The following BCAT1 variants were observed in gnomAD, a reference collection of about 807,000 sequenced individuals.
BCAT1 encodes branched chain amino acid transaminase 1.
BCAT1 carries 48 observed loss-of-function variants against 52.4 expected under a neutral mutation model. That is an observed-to-expected ratio of 0.92 (90% CI 0.73 to 1.16). BCAT1 has a LOEUF of 1.16. Ranked by LOEUF, BCAT1 falls within the 50% of genes most tolerant of loss-of-function variation. The probability of loss-of-function intolerance (pLI) is 0.00; values close to 1 mark genes in which losing one functional copy is unlikely to be tolerated. For missense variants in BCAT1, 451 were observed against 457.1 expected, an observed-to-expected ratio of 0.99 and a Z score of 0.12; for synonymous variants, 167 against 161.3, an observed-to-expected ratio of 1.04 and a Z score of -0.27.
rs1381474964 is a variant in BCAT1 at position 24,814,469 on chromosome 12, A to C, written c.*3539T>G. The C allele has an allele frequency of 6.6e-6, 1 of 151,892 alleles. No individual in the cohort carries two copies. Among genetic ancestry groups the C allele is most frequent in the Non-Finnish European group, 1.5e-5 (1 of 67,962 alleles). The allele number at this position is 151,892 out of a possible 1,614,324, so 9.4% of individuals were successfully genotyped here. A position where few individuals can be genotyped will look rare whatever the true frequency, so the allele number is the denominator to read the frequency against. On this transcript the variant is annotated 3_prime_UTR_variant, in exon 11 of 11. Coordinates refer to ENST00000261192, the MANE Select transcript of BCAT1 (RefSeq NM_005504.7). The stretch of plus-strand genomic sequence containing the variant: ...GACTGAGCACTGAGTGGGATTGAAG[A>C]AAATAAATGAGCTTATTTTGGCAGC...
intron 6 of BCAT1, among the ~76,000 whole-genome samples, chr12:24,847,383 G>T (rs1457443964): frequency 6.6e-6 from 1 of 152,140 alleles, no homozygotes; most frequent in Non-Finnish European, 1.5e-5. Flanking sequence ...ATCACCTGAA[G>T]TCTAGAGTTT....
At chr12:24,870,627 A>G (rs1046630894) in intron 5 of BCAT1, among the ~76,000 whole-genome samples, 3 of 152,236 alleles carry the variant, frequency 2.0e-5, no homozygotes, top group African/African-American at 7.2e-5. Flanking sequence ...AGGGACTGAC[A>G]CATAAAAGAT....
At chr12:24,873,629 C>T (rs1942245434) in intron 5 of BCAT1, among the ~76,000 whole-genome samples, 1 of 152,122 alleles carries the variant, frequency 6.6e-6, no homozygotes, top group Non-Finnish European at 1.5e-5. Flanking sequence ...CTGACCAAAA[C>T]TGTTTTTGAT....
At chr12:24,859,640 G>A (rs1038591356) in intron 5 of BCAT1, among the ~76,000 whole-genome samples, 3 of 136,926 alleles carry the variant, frequency 2.2e-5, no homozygotes, top group African/African-American at 5.6e-5. Context: ...AAAAAAAAAA[G>A]GATTTTGCTT....
chr12:24,928,004 C>T (rs948960990), intron 1 of BCAT1, among the ~76,000 whole-genome samples: 2 of 152,188 alleles, frequency 1.3e-5, no homozygotes, highest in African/African-American at 4.8e-5. Flanking sequence ...AAAACTTTGA[C>T]CTCACATTGC....
At chr12:24,902,511 G>T (rs1177028053) in intron 1 of BCAT1, 7 of 659,162 alleles carry the variant, frequency 1.1e-5, no homozygotes, top group Non-Finnish European at 1.4e-5. Flanking sequence ...TAACTACGGG[G>T]GTGGGGGTGG....
intron 3 of BCAT1, among the ~76,000 whole-genome samples, chr12:24,888,431 G>A (rs1942744250): frequency 1.3e-5 from 2 of 152,150 alleles, no homozygotes; most frequent in South Asian, 4.1e-4. Context: ...GCCAGGAGGT[G>A]GAAGTTGCAG....
intron 1 of BCAT1, chr12:24,902,420 A>G: frequency 9.4e-7 from 1 of 1,068,072 alleles, no homozygotes; most frequent in African/African-American, 1.7e-5. Context: ...ATTAGTGGGC[A>G]ATTTAAAAGA....
intron 2 of BCAT1, among the ~76,000 whole-genome samples, chr12:24,898,033 T>G (rs545324795): frequency 6.6e-6 from 1 of 152,110 alleles, no homozygotes; most frequent in South Asian, 2.1e-4. Context: ...TTGAATAAAG[T>G]TCAAACGTAA....
Position 24,906,107 on chromosome 12 carries a change from T to G in BCAT1, c.7-4222A>C, listed in dbSNP as rs191745928. Among the ~76,000 whole-genome samples, 556 of 151,764 alleles carry G rather than the reference T, an allele frequency of 3.7e-3. 12 individuals carry two copies. The highest frequency in any genetic ancestry group is 0.022 in the East Asian group (113 of 5,158). ...ACGGGATTAAGGTGAGAGGATTACCTGAACTTGGTGAGGTTGAGGCTGCAG... is the reference window on the plus strand; with the variant it reads ...ACGGGATTAAGGTGAGAGGATTACCGGAACTTGGTGAGGTTGAGGCTGCAG... On this transcript the variant is annotated intron_variant, in intron 1 of 10. Transcript: ENST00000261192.
chr12:24,847,208 G>T (rs958380934), intron 6 of BCAT1, among the ~76,000 whole-genome samples: 1 of 152,132 alleles, frequency 6.6e-6, no homozygotes, highest in African/African-American at 2.4e-5. Flanking sequence ...AAGACTTCAG[G>T]TTTTTTTCAG....
At chr12:24,877,795 C>T (rs1167220816) in intron 5 of BCAT1, among the ~76,000 whole-genome samples, 2 of 152,130 alleles carry the variant, frequency 1.3e-5, no homozygotes, top group Non-Finnish European at 2.9e-5. Context: ...GCAAGGCAAA[C>T]AGCACTGCAT....
At chr12:24,884,683 G>T (rs1021977580) in intron 3 of BCAT1, among the ~76,000 whole-genome samples, 1 of 152,008 alleles carries the variant, frequency 6.6e-6, no homozygotes, top group African/African-American at 2.4e-5. Context: ...CATGTAAAGA[G>T]TATGATAATC....
intron 1 of BCAT1, among the ~76,000 whole-genome samples, chr12:24,935,022 C>T (rs892010530): frequency 3.3e-5 from 5 of 152,144 alleles, no homozygotes; most frequent in Non-Finnish European, 5.9e-5. Context: ...TAAGCTATTG[C>T]TGTATTAGCA....
chr12:24,842,712 A>G lies in BCAT1; in HGVS notation c.675-488T>C, dbSNP rs547757686. Among the ~76,000 whole-genome samples the G allele has an allele frequency of 1.1e-4, 17 of 152,318 alleles. No homozygotes were observed. The South Asian group carries it at 3.3e-3, about 30-fold the overall frequency. ...GAGCGCTCTTATCTAACACCTTTTA[A>G]TGTATCCAAGGAATACATAATGCCC... On this transcript the variant is annotated intron_variant, in intron 6 of 10. Coordinates refer to ENST00000261192, the MANE Select transcript of BCAT1 (RefSeq NM_005504.7).
intron 6 of BCAT1, among the ~76,000 whole-genome samples, chr12:24,848,693 A>G (rs916566005): frequency 2.6e-5 from 4 of 152,242 alleles, no homozygotes; most frequent in African/African-American, 9.6e-5. Flanking sequence ...CCAGTAAAAA[A>G]AGAAATCAAG....
intron 5 of BCAT1, among the ~76,000 whole-genome samples, chr12:24,872,448 C>T (rs768503168): frequency 2.0e-5 from 3 of 152,162 alleles, no homozygotes; most frequent in Non-Finnish European, 1.5e-5. Flanking sequence ...AATGGGGAAA[C>T]TGCTTATGAG....
At chr12:24,892,845 T>C (rs1173010099) in intron 3 of BCAT1, among the ~76,000 whole-genome samples, 2 of 148,142 alleles carry the variant, frequency 1.4e-5, no homozygotes, top group African/African-American at 2.6e-5. Context: ...AGAGCAAGAA[T>C]CTGTCTGAAA....
At chr12:24,821,071 A>G (rs1940104282) in intron 10 of BCAT1, among the ~76,000 whole-genome samples, 1 of 152,210 alleles carries the variant, frequency 6.6e-6, no homozygotes, top group Non-Finnish European at 1.5e-5. Context: ...ACACGAGGGC[A>G]GTCTGGAAAC....
Sources: gnomAD v4.1 joint callset for allele counts (sites outside exome capture counted in the v4.1 genomes callset) on GRCh38, gnomAD v4.1.1 for gene constraint, MANE v1.5 for transcripts, NCBI Gene and HGNC (gene_info 2026-07-23, HGNC 2026-07-21) for gene names.